PPP2R2B: variants seen among roughly 807,000 people sequenced by gnomAD.
The protein encoded by PPP2R2B is serine/threonine-protein phosphatase 2A 55 kDa regulatory subunit B beta isoform.
A neutral mutation model predicts 46.0 loss-of-function variants in PPP2R2B; 5 were observed. That is an observed-to-expected ratio of 0.11 (90% CI 0.06 to 0.23). PPP2R2B has a LOEUF of 0.23. PPP2R2B is among the 10% of genes least tolerant of loss of function. The pLI is 1.00. For synonymous variants in PPP2R2B, 215 were observed against 206.7 expected (o/e 1.04, Z -0.34); for missense variants, 367 against 575.0 (o/e 0.64, Z 3.70).
intron 7 of PPP2R2B, among the ~76,000 whole-genome samples, chr5:146,616,153 T>C (rs1481930566): frequency 6.6e-6 from 1 of 152,138 alleles, no homozygotes; most frequent in Admixed American, 6.5e-5. Context: ...TCTCTTCAAC[T>C]ATTTGTGCTA....
rs1775377537 is a variant in PPP2R2B at position 146,643,643 on chromosome 5, ATAC to A, written c.626-5231_626-5229del. 1.1e-4 allele frequency among the ~76,000 whole-genome samples: 16 copies of A among 152,316 alleles called. 2 individuals are homozygous for A. In the South Asian group the frequency reaches 3.1e-3, roughly 30 times the overall value. On this transcript the variant is annotated intron_variant, in intron 6 of 9. Transcript: ENST00000394411. ...AAAGACTACAAATTGGGTTCAGTGT[ATAC>A]TGCTTAGGAGATGGGTGCACCAAAT...
intron 2 of PPP2R2B, among the ~76,000 whole-genome samples, chr5:146,774,752 G>A (rs558869441): frequency 8.0e-4 from 122 of 151,658 alleles, no homozygotes; most frequent in African/African-American, 2.7e-3. Flanking sequence ...GGGAGATAGA[G>A]GCTGCAGTGA....
Position 147,020,243 on chromosome 5 carries a change from C to T in PPP2R2B, c.79+35422G>A, listed in dbSNP as rs1433657869. ...ATCCTGGAGAATCAAAACTGACACT[C>T]CATTAATGTACCCTCAGAGTTCCTT... On this transcript the variant is annotated intron_variant, in intron 1 of 8. Transcript: ENST00000336640. 5.9e-5 allele frequency among the ~76,000 whole-genome samples: 9 copies of T among 152,132 alleles called. No individual in the cohort carries two copies. The East Asian group carries it at 1.7e-3, about 29-fold the overall frequency.
intron 5 of PPP2R2B, among the ~76,000 whole-genome samples, chr5:146,685,140 ATGT>A (rs1554124251): frequency 6.6e-6 from 1 of 152,200 alleles, no homozygotes; most frequent in Non-Finnish European, 1.5e-5. Context: ...TGTACATCAG[ATGT>A]TGTCATCCTC....
intron 2 of PPP2R2B, among the ~76,000 whole-genome samples, chr5:147,073,203 C>T (rs975332227): frequency 6.6e-6 from 1 of 152,160 alleles, no homozygotes; most frequent in Non-Finnish European, 1.5e-5. Context: ...AATAAATAGC[C>T]ATGGAGTTTT....
At chr5:146,748,041 C>G (rs1263107497) in intron 2 of PPP2R2B, among the ~76,000 whole-genome samples, 3 of 152,200 alleles carry the variant, frequency 2.0e-5, no homozygotes, top group African/African-American at 4.8e-5. Context: ...CAGCTCCCAT[C>G]TACTGAGCTC....
At chr5:146,599,275 C>T (rs1328117360) in intron 8 of PPP2R2B, among the ~76,000 whole-genome samples, 1 of 152,130 alleles carries the variant, frequency 6.6e-6, no homozygotes, top group Non-Finnish European at 1.5e-5. Context: ...TTCTTGATTC[C>T]CTCTCCCTGC....
In PPP2R2B at chr5:147,006,856, G is replaced by C. The variant is rs528912445; in HGVS notation, c.79+48809C>G. On this transcript the variant is annotated intron_variant, in intron 1 of 8. Transcript: ENST00000336640. ...GTGTTGTTTTTACACTAACCATTCA[G>C]GGATAGTATGAGATGCCGCCCGGTG... Among the ~76,000 whole-genome samples, 3 of 152,048 alleles carry C rather than the reference G, an allele frequency of 2.0e-5. No individual in the cohort carries two copies. In the South Asian group the frequency reaches 6.2e-4, roughly 32 times the overall value.
At chr5:146,869,751 A>G (rs1347421435) in intron 2 of PPP2R2B, among the ~76,000 whole-genome samples, 1 of 152,236 alleles carries the variant, frequency 6.6e-6, no homozygotes, top group Non-Finnish European at 1.5e-5. Context: ...AAGAAAGAAT[A>G]TAGTATTATT....
rs931652834 is a variant in PPP2R2B at position 146,634,598 on chromosome 5, G to C, written c.790+3653C>G. Among the ~76,000 whole-genome samples, 4 of 152,264 alleles carry C rather than the reference G, an allele frequency of 2.6e-5. No homozygotes were observed. The East Asian group carries it at 7.7e-4, about 29-fold the overall frequency. ...GATCTGCCCGCCTCAGCCTCCTAAA[G>C]TGCTGGGATTACCTGTGTGAGCCAC... On this transcript the variant is annotated intron_variant, in intron 7 of 9. Transcript: ENST00000394411.
intron 2 of PPP2R2B, among the ~76,000 whole-genome samples, chr5:147,062,542 A>G (rs1193217624): frequency 6.6e-6 from 1 of 152,160 alleles, no homozygotes; most frequent in Non-Finnish European, 1.5e-5. Context: ...ACACAGAGAC[A>G]TTAAATAAAG....
chr5:146,749,890 G>A lies in PPP2R2B; in HGVS notation c.71-48748C>T, dbSNP rs1360215229. On this transcript the variant is annotated intron_variant, in intron 2 of 9. Transcript: ENST00000394411. ...TGGGATTACAGGCGTGAGCCACTGCGCCTGGCCAATTTCCTTTTTTTTCTA... is the reference window on the plus strand; with the variant it reads ...TGGGATTACAGGCGTGAGCCACTGCACCTGGCCAATTTCCTTTTTTTTCTA... Among the ~76,000 whole-genome samples, 5 of 151,952 alleles carry A rather than the reference G, an allele frequency of 3.3e-5. No individual in the cohort carries two copies. The East Asian group carries it at 5.8e-4, about 18-fold the overall frequency.
intron 6 of PPP2R2B, among the ~76,000 whole-genome samples, chr5:146,649,518 T>C (rs1284040949): frequency 2.6e-5 from 4 of 151,776 alleles, no homozygotes; most frequent in East Asian, 3.9e-4. Flanking sequence ...GATCTCGGCT[T>C]ACTGCAACCT....
At chr5:146,865,383 G>T (rs989353057) in intron 2 of PPP2R2B, among the ~76,000 whole-genome samples, 6 of 151,696 alleles carry the variant, frequency 4.0e-5, no homozygotes, top group Non-Finnish European at 5.9e-5. Flanking sequence ...ACTGTCTCTG[G>T]CACAGCTAGA....
exon 2 of PPP2R2B, chr5:147,081,129 C>T: frequency 6.5e-7 from 1 of 1,535,620 alleles, no homozygotes; most frequent in Non-Finnish European, 8.7e-7. Flanking sequence ...GGGTGAGTGT[C>T]CCAATTCCTG....
At chr5:146,965,826 C>T (rs1582511971) in intron 1 of PPP2R2B, among the ~76,000 whole-genome samples, 4 of 152,132 alleles carry the variant, frequency 2.6e-5, no homozygotes, top group African/African-American at 4.8e-5. Flanking sequence ...CTCTGACATC[C>T]GATACCAGGT....
chr5:146,599,820 C>T (rs1771600942), intron 8 of PPP2R2B, among the ~76,000 whole-genome samples: 1 of 152,146 alleles, frequency 6.6e-6, no homozygotes, highest in Admixed American at 6.5e-5. Flanking sequence ...TCTGACAGGC[C>T]CCGGTGTATG....
intron 1 of PPP2R2B, chr5:146,918,452 T>C (rs1429381292): frequency 1.3e-5 from 2 of 152,236 alleles, no homozygotes; most frequent in Non-Finnish European, 2.9e-5. Context: ...TAGGTACTAA[T>C]AGTAGGCTAA....
intron 1 of PPP2R2B, among the ~76,000 whole-genome samples, chr5:146,927,836 C>T (rs144816647): frequency 0.022 from 3,352 of 151,730 alleles, 45 homozygotes; most frequent in Non-Finnish European, 0.032. Flanking sequence ...TGGGTTCAAG[C>T]GATTCTCCTG....
Sources: gnomAD v4.1 joint callset for allele counts (sites outside exome capture counted in the v4.1 genomes callset) on GRCh38, gnomAD v4.1.1 for gene constraint, MANE v1.5 for transcripts, NCBI Gene and HGNC (gene_info 2026-07-23, HGNC 2026-07-21) for gene names.